Variants in DNAH6 observed in about 807,000 individuals in gnomAD.
DNAH6 encodes the protein dynein axonemal heavy chain 6, also known as axonemal beta dynein heavy chain 6.
In DNAH6, 340 loss-of-function variants were observed where a neutral mutation model predicts 491.4. The observed-to-expected ratio is 0.69, with a 90% CI of 0.63 to 0.76. DNAH6 has a LOEUF of 0.76. Among genes scored for constraint, DNAH6 ranks in the 30% least tolerant of loss-of-function variants. The pLI is 0.00. For missense variants in DNAH6, 4,443 were observed against 4,972.2 expected, an observed-to-expected ratio of 0.89 and a Z score of 3.20; for synonymous variants, 1,603 against 1,686.1, an observed-to-expected ratio of 0.95 and a Z score of 1.21.
At chr2:84,652,726 G>A (rs1438036176) in intron 33 of DNAH6, among the ~76,000 whole-genome samples, 1 of 151,906 alleles carries the variant, frequency 6.6e-6, no homozygotes, top group African/African-American at 2.4e-5. Flanking sequence ...TATAATGTGA[G>A]GTAAAGATTT....
the DNAH6 span, among the ~76,000 whole-genome samples, chr2:84,461,757 A>G: frequency 6.6e-6 from 1 of 152,206 alleles, no homozygotes; most frequent in Non-Finnish European, 1.5e-5. Context: ...GAGTAACCAA[A>G]TTAGAATAGG....
At chr2:84,743,729 G>A (rs1257095731) in intron 62 of DNAH6, among the ~76,000 whole-genome samples, 1 of 152,180 alleles carries the variant, frequency 6.6e-6, no homozygotes, top group Non-Finnish European at 1.5e-5. Context: ...GGCTGAGGCT[G>A]GAGAATTGCT....
At chr2:84,605,403 A>G (rs1047348769) in intron 19 of DNAH6, 97 bp from the exon 20 acceptor site, 15 of 781,504 alleles carry the variant, frequency 1.9e-5, no homozygotes, top group Non-Finnish European at 3.1e-5. Flanking sequence ...GGAAAATGGG[A>G]TAATTATGGA....
chr2:84,767,012 T>C (rs947026135), intron 64 of DNAH6, among the ~76,000 whole-genome samples: 1 of 152,060 alleles, frequency 6.6e-6, no homozygotes, highest in Non-Finnish European at 1.5e-5. Flanking sequence ...AAATCTTATC[T>C]GGGGGAACAG....
chr2:84,493,581 T>A, the DNAH6 span, among the ~76,000 whole-genome samples: 127,706 of 152,188 alleles, frequency 0.84, 55,311 homozygotes, highest in East Asian at 0.99. Flanking sequence ...TGCTGAAAAA[T>A]TTCTCTCCAA....
At chr2:84,758,513 A>G (rs974676671) in intron 63 of DNAH6, among the ~76,000 whole-genome samples, 1 of 152,196 alleles carries the variant, frequency 6.6e-6, no homozygotes, top group Non-Finnish European at 1.5e-5. Context: ...ATATAGACTC[A>G]AAAATCCCCA....
In DNAH6 at chr2:84,709,423, A is replaced by T; in HGVS notation, c.9129A>T (p.Gly3043=). 1 of 1,551,654 alleles carries T rather than the reference A, an allele frequency of 6.4e-7. No homozygotes were observed. The highest frequency in any genetic ancestry group is 8.7e-7 in the Non-Finnish European group (1 of 1,146,996). The change falls in exon 55 of 77, where the codon GGA becomes GGT. Residue 3043 remains glycine, a synonymous_variant. Coordinates refer to ENST00000389394, the MANE Select transcript of DNAH6 (RefSeq NM_001370.2). The stretch of plus-strand genomic sequence containing the variant: ...CCTTCAGTCTCATTAACATTCTTGG[A>T]GATCCCTACGAGATACGGCAGTGGA... ...DPSFSLINIL[G]DPYEIRQWNT... is the part of the protein sequence containing the mutation.
In DNAH6 at chr2:84,604,501, A is replaced by G. The variant is rs376933349; in HGVS notation, c.3031A>G (p.Ile1011Val). ...VFDFGQEIQD[I>V]SGQASGEAAL... ...TGACTTTGGTCAAGAAATCCAGGACATATCTGGACAGGCTTCTGGAGAAGC... is the reference window on the plus strand; with the variant it reads ...TGACTTTGGTCAAGAAATCCAGGACGTATCTGGACAGGCTTCTGGAGAAGC... Residue 1011 changes from isoleucine (I) to valine (V), a missense_variant, in exon 19 of 77, where the codon ATA becomes GTA. Physicochemically the swap from Ile to Val is conservative, Grantham distance 29. This residue lies in a region of DNAH6 where 2,977 missense variants were observed against 3,296.6 expected (regional missense o/e 0.90). Coordinates refer to ENST00000389394, the MANE Select transcript of DNAH6 (RefSeq NM_001370.2). 3.4e-5 allele frequency: 53 copies of G among 1,551,640 alleles called. No homozygotes were observed. The highest frequency in any genetic ancestry group is 4.6e-5 in the Non-Finnish European group (53 of 1,146,998).
the DNAH6 span, chr2:84,460,076 C>A: frequency 2.0e-5 from 3 of 152,184 alleles, no homozygotes; most frequent in Non-Finnish European, 4.4e-5. Flanking sequence ...CAGAGAGTCC[C>A]AGAGTCAAAA....
chr2:84,607,034 G>C lies in DNAH6; in HGVS notation c.3233G>C (p.Gly1078Ala). ...ACTCTTGCCTCATCACGTTACCTTG[G>C]TCCACTGAAAACTCGAGTGGATGAA... The part of the protein sequence containing the change: ...VATLASSRYL[G>A]PLKTRVDEWQ... Residue 1078 changes from glycine to alanine, a missense_variant, in exon 21 of 77, where the codon GGT (glycine) becomes GCT (alanine). Around this residue, in one of 3 missense-constraint regions of DNAH6, gnomAD observed 2,977 missense variants for 3,296.6 expected, o/e 0.90. Transcript: ENST00000389394. 1.9e-6 allele frequency: 3 copies of C among 1,551,256 alleles called. No individual in the cohort carries two copies. Among genetic ancestry groups the C allele is most frequent in the Non-Finnish European group, 2.6e-6 (3 of 1,146,706 alleles).
intron 64 of DNAH6, among the ~76,000 whole-genome samples, chr2:84,779,186 AT>A (rs1218133717): frequency 1.3e-5 from 2 of 152,256 alleles, no homozygotes; most frequent in East Asian, 1.9e-4. Context: ...TATGTCCAGA[AT>A]TTTTTTGTTA....
At chr2:84,727,945 G>C (rs142869142) in intron 61 of DNAH6, 43 bp downstream of exon 61, 15,813 of 1,260,052 alleles carry the variant, frequency 0.013, 135 homozygotes, top group Non-Finnish European at 0.016. Flanking sequence ...TGGTTTGGCT[G>C]TGTCCCCACC....
intron 32 of DNAH6, among the ~76,000 whole-genome samples, chr2:84,641,005 A>C (rs1206939701): frequency 2.0e-5 from 3 of 152,222 alleles, no homozygotes; most frequent in Admixed American, 2.0e-4. Flanking sequence ...AAACTTCATA[A>C]TTCCAATTCA....
At chr2:84,693,389 T>TG (rs112860873) in intron 45 of DNAH6, among the ~76,000 whole-genome samples, 28,215 of 151,862 alleles carry the variant, frequency 0.19, 2,853 homozygotes, top group African/African-American at 0.26. Context: ...TTCCTAAATT[T>TG]GGGGGGGTTT....
chr2:84,701,674 C>T (rs561497456), intron 49 of DNAH6, among the ~76,000 whole-genome samples: 1 of 152,234 alleles, frequency 6.6e-6, no homozygotes, highest in South Asian at 2.1e-4. Context: ...TGGTGCCACA[C>T]ACTTTTAAAC....
chr2:84,468,526 G>A, the DNAH6 span, among the ~76,000 whole-genome samples: 1 of 152,092 alleles, frequency 6.6e-6, no homozygotes, highest in Admixed American at 6.5e-5. Context: ...TGATATTTCT[G>A]GCTTTTGAAC....
chr2:84,715,669 G>A (rs1338006289), intron 58 of DNAH6, 42 bp downstream of exon 58: 4 of 1,516,756 alleles, frequency 2.6e-6, no homozygotes, highest in African/African-American at 2.8e-5. Flanking sequence ...GGGGTATTGT[G>A]GGTTTCCTAA....
At chr2:84,493,132 T>G in the DNAH6 span, among the ~76,000 whole-genome samples, 25 of 152,236 alleles carry the variant, frequency 1.6e-4, no homozygotes, top group Admixed American at 1.6e-3. Context: ...TATGATCCAG[T>G]GAAACTTTAT....
the DNAH6 span, among the ~76,000 whole-genome samples, chr2:84,499,715 T>C: frequency 1.3e-5 from 2 of 152,246 alleles, no homozygotes; most frequent in Admixed American, 1.3e-4. Flanking sequence ...TTGCCTATCT[T>C]TGGGATATAA....
Sources: gnomAD v4.1 joint callset for allele counts (sites outside exome capture counted in the v4.1 genomes callset) on GRCh38, gnomAD v4.1.1 for gene constraint, gnomAD v4.1.1 regional missense constraint, MANE v1.5 for transcripts, NCBI Gene and HGNC (gene_info 2026-07-23, HGNC 2026-07-21) for gene names.